The following MAD1L1 variants were observed in gnomAD, a reference collection of about 807,000 sequenced individuals.
The protein encoded by MAD1L1 is mitotic spindle assembly checkpoint protein MAD1.
In MAD1L1, 95 loss-of-function variants were observed where a neutral mutation model predicts 96.9. The ratio of observed to expected loss-of-function variants is 0.98; its 90% CI spans 0.83 to 1.16. The LOEUF (loss-of-function observed/expected upper bound fraction) is 1.16. MAD1L1 is among the 50% of genes most tolerant of loss of function. The probability of loss-of-function intolerance (pLI) is 0.00; values close to 1 mark genes in which losing one functional copy is unlikely to be tolerated. For missense variants in MAD1L1, 1,007 were observed against 954.4 expected, an observed-to-expected ratio of 1.06 and a Z score of -0.73; for synonymous variants, 473 against 396.6, an observed-to-expected ratio of 1.19 and a Z score of -2.29.
chr7:1,847,683 G>A (rs1217205460), intron 18 of MAD1L1: 1 of 470,408 alleles, frequency 2.1e-6, no homozygotes, highest in Non-Finnish European at 4.4e-6. Context: ...CGCATACACT[G>A]GGGAGACCTC....
intron 12 of MAD1L1, among the ~76,000 whole-genome samples, chr7:2,044,819 T>C (rs1192093147): frequency 6.6e-6 from 1 of 151,884 alleles, no homozygotes; most frequent in Admixed American, 6.6e-5. Context: ...TATGGCGTAG[T>C]CCCCCGGGGC....
At chr7:2,068,510 G>A (rs913425878) in intron 12 of MAD1L1, among the ~76,000 whole-genome samples, 2 of 152,162 alleles carry the variant, frequency 1.3e-5, no homozygotes, top group African/African-American at 2.4e-5. Flanking sequence ...ACAGCCCTCC[G>A]CCCACTCAGC....
chr7:2,208,995 G>A (rs555515778), intron 10 of MAD1L1, among the ~76,000 whole-genome samples: 6 of 152,244 alleles, frequency 3.9e-5, no homozygotes, highest in South Asian at 2.1e-4. Flanking sequence ...CCACACTCCC[G>A]GCACTGGCAT....
At chr7:2,158,326 C>T (rs1044356660) in intron 10 of MAD1L1, among the ~76,000 whole-genome samples, 2 of 152,222 alleles carry the variant, frequency 1.3e-5, no homozygotes, top group African/African-American at 4.8e-5. Flanking sequence ...GTGCCAGTTT[C>T]ACCGAGTCTG....
chr7:1,900,088 G>C (rs1787149276), intron 17 of MAD1L1, among the ~76,000 whole-genome samples: 3 of 152,202 alleles, frequency 2.0e-5, no homozygotes, highest in Admixed American at 6.5e-5. Flanking sequence ...CAGGGCCGCT[G>C]GGCACCCCCG....
rs140956474 is a variant in MAD1L1 at position 1,874,126 on chromosome 7, G to A, written c.1998+24074C>T. 4.2e-3 allele frequency among the ~76,000 whole-genome samples: 639 copies of A among 152,314 alleles called. 2 individuals carry two copies. The highest frequency in any genetic ancestry group is 0.015 in the African/African-American group (606 of 41,566). On this transcript the variant is annotated intron_variant, in intron 18 of 18. Coordinates refer to ENST00000265854, the MANE Select transcript of MAD1L1 (RefSeq NM_001013836.2). ...GTGTTCCAGGCTCTCCATCTGCACC[G>A]GAGTGGGGATGGAAAACGAAGGTCA...
intron 13 of MAD1L1, among the ~76,000 whole-genome samples, chr7:2,013,297 C>T (rs1782383228): frequency 6.6e-6 from 1 of 152,242 alleles, no homozygotes; most frequent in Non-Finnish European, 1.5e-5. Flanking sequence ...CAGGCCACAC[C>T]GATGCCATCA....
chr7:1,881,174 AT>A (rs1562485089), intron 18 of MAD1L1, among the ~76,000 whole-genome samples: 2 of 152,216 alleles, frequency 1.3e-5, no homozygotes, highest in Non-Finnish European at 2.9e-5. Flanking sequence ...GCCAAGTCTC[AT>A]TCCCGGAAGT....
At position 1,873,605 on chromosome 7, in the gene MAD1L1, T is replaced by C. The variant is rs535649137; in HGVS notation, c.1998+24595A>G. On this transcript the variant is annotated intron_variant, in intron 18 of 18. Coordinates refer to ENST00000265854, the MANE Select transcript of MAD1L1 (RefSeq NM_001013836.2). ...GCTGGGCAGGGGGCTCTGCGGTGGA[T>C]GGAGGGGTAGTGGGAGATCCTGGCA... Among the ~76,000 whole-genome samples the C allele has an allele frequency of 3.9e-5, 6 of 151,922 alleles. No individual in the cohort carries two copies. The South Asian group carries it at 1.2e-3, about 32-fold the overall frequency.
chr7:1,822,442 A>ATATATTT (rs768089526), intron 18 of MAD1L1, among the ~76,000 whole-genome samples: 80 of 140,588 alleles, frequency 5.7e-4, no homozygotes, highest in Middle Eastern at 3.6e-3. Context: ...ATATATATAT[A>ATATATTT]TTTTTTTTTT....
chr7:1,861,271 C>T (rs1473418808), intron 18 of MAD1L1, among the ~76,000 whole-genome samples: 1 of 152,190 alleles, frequency 6.6e-6, no homozygotes, highest in African/African-American at 2.4e-5. Flanking sequence ...GGGCTGGTCC[C>T]CCTCTAGGCA....
intron 18 of MAD1L1, among the ~76,000 whole-genome samples, chr7:1,887,142 C>T (rs544985704): frequency 6.6e-6 from 1 of 152,314 alleles, no homozygotes; most frequent in African/African-American, 2.4e-5. Context: ...GCTTTCCCTG[C>T]CTCCTCTGGA....
intron 11 of MAD1L1, among the ~76,000 whole-genome samples, chr7:2,105,994 T>TATGGCCCCGCCCCTGCCCCACAC (rs1562692698): frequency 2.8e-4 from 26 of 91,246 alleles, no homozygotes; most frequent in African/African-American, 1.3e-3. Context: ...CTGCCCCACA[T>TATGGCCCCGCCCCTGCCCCACAC]ATGGCCCCGC....
At chr7:2,144,805 G>A (rs1042234330) in intron 11 of MAD1L1, among the ~76,000 whole-genome samples, 13 of 152,038 alleles carry the variant, frequency 8.6e-5, no homozygotes, top group African/African-American at 2.9e-4. Context: ...ACAACCAGGA[G>A]GTCCATTCTC....
At chr7:2,181,569 A>T (rs1028139508) in intron 10 of MAD1L1, among the ~76,000 whole-genome samples, 1 of 152,262 alleles carries the variant, frequency 6.6e-6, no homozygotes, top group African/African-American at 2.4e-5. Flanking sequence ...TGGAAAAAGG[A>T]ACACTTTTAC....
rs372424514 is a variant in MAD1L1, at chr7:2,128,188, T to C, written c.1073+20964A>G. On this transcript the variant is annotated intron_variant, in intron 11 of 18. Coordinates refer to ENST00000265854, the MANE Select transcript of MAD1L1 (RefSeq NM_001013836.2). ...CATGAAGCCGGACAATTGTCCTGGT[T>C]TGCATACATTCTTTAGAGTTCTCTG... 4.6e-5 allele frequency among the ~76,000 whole-genome samples: 7 copies of C among 152,350 alleles called. No individual in the cohort carries two copies. In the South Asian group the frequency reaches 6.2e-4, roughly 14 times the overall value.
At chr7:1,892,349 C>G (rs756762829) in intron 18 of MAD1L1, among the ~76,000 whole-genome samples, 1 of 152,228 alleles carries the variant, frequency 6.6e-6, no homozygotes, top group Non-Finnish European at 1.5e-5. Flanking sequence ...TCCCTGTCAT[C>G]TGGCAAAGCG....
chr7:2,222,954 G>A (rs1488456193), intron 4 of MAD1L1, among the ~76,000 whole-genome samples, 200 bp from the exon 5 acceptor site: 4 of 152,198 alleles, frequency 2.6e-5, no homozygotes, highest in South Asian at 2.1e-4. Flanking sequence ...GCACCATGAC[G>A]GTGAGCACTG....
chr7:1,988,125 G>A (rs1254512405), intron 14 of MAD1L1, among the ~76,000 whole-genome samples: 1 of 152,252 alleles, frequency 6.6e-6, no homozygotes, highest in Non-Finnish European at 1.5e-5. Context: ...GGTAGATGGA[G>A]CAGCGTGCGG....
Sources: allele counts gnomAD v4.1 joint callset (sites outside exome capture counted in the v4.1 genomes callset), GRCh38; gene constraint gnomAD v4.1.1; transcripts MANE v1.5; gene names NCBI Gene and HGNC (gene_info 2026-07-23, HGNC 2026-07-21).